Variants in CTNND2 observed in about 807,000 individuals in gnomAD.
The protein encoded by CTNND2 is catenin delta 2.
Under a neutral mutation model 144.4 loss-of-function variants are expected in CTNND2, and 22 were observed. That is an observed-to-expected ratio of 0.15 (90% confidence interval 0.11 to 0.22). The LOEUF (loss-of-function observed/expected upper bound fraction) is 0.22. Among genes scored for constraint, CTNND2 ranks in the 10% least tolerant of loss-of-function variants. The probability of loss-of-function intolerance (pLI) is 1.00; values close to 1 mark genes in which losing one functional copy is unlikely to be tolerated. For missense variants in CTNND2, 1,353 were observed against 1,618.8 expected (o/e 0.84, Z 2.82); for synonymous variants, 751 against 695.6 (o/e 1.08, Z -1.25).
At chr5:11,582,343 T>C (rs1778501638) in intron 2 of CTNND2, among the ~76,000 whole-genome samples, 1 of 152,116 alleles carries the variant, frequency 6.6e-6, no homozygotes, top group Non-Finnish European at 1.5e-5. Flanking sequence ...CACATCAGAG[T>C]GGGACCTGAT....
chr5:11,167,209 G>C (rs1478942596), intron 11 of CTNND2, among the ~76,000 whole-genome samples: 2 of 152,176 alleles, frequency 1.3e-5, no homozygotes, highest in African/African-American at 2.4e-5. Context: ...GAGGTGAAGA[G>C]AGAGAATTGG....
chr5:11,361,890 GC>G (rs1321723268), intron 8 of CTNND2, among the ~76,000 whole-genome samples: 1 of 152,188 alleles, frequency 6.6e-6, no homozygotes, highest in African/African-American at 2.4e-5. Flanking sequence ...CGATCTTTCT[GC>G]CCCACTTCTC....
intron 11 of CTNND2, among the ~76,000 whole-genome samples, chr5:11,173,824 G>T: frequency 6.6e-6 from 1 of 152,252 alleles, no homozygotes; most frequent in South Asian, 2.1e-4. Context: ...CATTCACAGC[G>T]ATGTGCAGCC....
intron 1 of CTNND2, among the ~76,000 whole-genome samples, chr5:11,752,336 T>A (rs1220924218): frequency 6.6e-6 from 1 of 151,374 alleles, no homozygotes; most frequent in Non-Finnish European, 1.5e-5. Context: ...AGTCTTAGGT[T>A]TTCCATTTGT....
At chr5:11,731,215 TG>T (rs1236512337) in intron 2 of CTNND2, among the ~76,000 whole-genome samples, 1 of 152,178 alleles carries the variant, frequency 6.6e-6, no homozygotes, top group African/African-American at 2.4e-5. Flanking sequence ...CTTCGGTCAG[TG>T]GGTTGACTGT....
At chr5:11,106,653 T>A (rs1752454545) in intron 14 of CTNND2, among the ~76,000 whole-genome samples, 1 of 152,190 alleles carries the variant, frequency 6.6e-6, no homozygotes, top group Non-Finnish European at 1.5e-5. Flanking sequence ...ATTTCACTGG[T>A]AAGAGACTCC....
intron 2 of CTNND2, among the ~76,000 whole-genome samples, chr5:11,601,562 A>G (rs1159271498): frequency 2.6e-5 from 4 of 152,092 alleles, no homozygotes; most frequent in Non-Finnish European, 4.4e-5. Context: ...GTAATTGTTA[A>G]TATTTAATTG....
intron 1 of CTNND2, among the ~76,000 whole-genome samples, chr5:11,822,146 A>G (rs1009340017): frequency 1.1e-4 from 16 of 152,204 alleles, no homozygotes; most frequent in African/African-American, 3.1e-4. Flanking sequence ...CATTTGAAAA[A>G]GAAGAACTTG....
At chr5:11,684,767 C>G (rs1366584079) in intron 2 of CTNND2, among the ~76,000 whole-genome samples, 1 of 152,174 alleles carries the variant, frequency 6.6e-6, no homozygotes. Context: ...GCTTGGTCAA[C>G]CACTTTGCTA....
chr5:11,237,672 G>C (rs61750727), intron 9 of CTNND2, among the ~76,000 whole-genome samples: 41 of 152,174 alleles, frequency 2.7e-4, no homozygotes, highest in African/African-American at 9.2e-4. Flanking sequence ...GTCTTAAATG[G>C]ATCAGGTATA....
chr5:11,505,572 C>G (rs1218156062), intron 3 of CTNND2, among the ~76,000 whole-genome samples: 1 of 152,156 alleles, frequency 6.6e-6, no homozygotes, highest in Non-Finnish European at 1.5e-5. Flanking sequence ...CTCCTACTGT[C>G]AGGTTGTAGA....
intron 7 of CTNND2, among the ~76,000 whole-genome samples, chr5:11,376,566 A>T (rs1327545330): frequency 6.6e-6 from 1 of 152,056 alleles, no homozygotes; most frequent in Non-Finnish European, 1.5e-5. Context: ...TCTGGAGGGG[A>T]AGGCAGGGCA....
At chr5:11,262,500 C>T (rs903987447) in intron 9 of CTNND2, among the ~76,000 whole-genome samples, 1 of 152,044 alleles carries the variant, frequency 6.6e-6, no homozygotes, top group Non-Finnish European at 1.5e-5. Context: ...CAGTGGCTCA[C>T]GCCTGTAATT....
chr5:11,832,087 T>A (rs529795358), intron 1 of CTNND2, among the ~76,000 whole-genome samples: 1 of 151,872 alleles, frequency 6.6e-6, no homozygotes, highest in East Asian at 1.9e-4. Flanking sequence ...ATCGAGACCA[T>A]CCTGGCTAAC....
At chr5:11,514,414 G>A (rs1771966719) in intron 3 of CTNND2, among the ~76,000 whole-genome samples, 1 of 152,004 alleles carries the variant, frequency 6.6e-6, no homozygotes, top group Non-Finnish European at 1.5e-5. Context: ...CCTGACAGCT[G>A]GCTGTATTCA....
chr5:11,456,089 G>A (rs952512798), intron 3 of CTNND2, among the ~76,000 whole-genome samples: 2 of 152,176 alleles, frequency 1.3e-5, no homozygotes, highest in African/African-American at 4.8e-5. Context: ...GCATGCACAA[G>A]ACTGCACATT....
chr5:11,720,140 C>G (rs760211357), intron 2 of CTNND2, among the ~76,000 whole-genome samples: 1 of 152,124 alleles, frequency 6.6e-6, no homozygotes, highest in Non-Finnish European at 1.5e-5. Context: ...AAAGAGACAG[C>G]AGCAACTGGC....
intron 3 of CTNND2, among the ~76,000 whole-genome samples, chr5:11,412,408 T>C (rs61749764): frequency 3.3e-5 from 5 of 152,290 alleles, no homozygotes; most frequent in African/African-American, 1.2e-4. Flanking sequence ...TATTTTAGAA[T>C]AGGATCATGT....
chr5:11,412,022 A>G lies in CTNND2; in HGVS notation c.322+13T>C, dbSNP rs369570669. 13 of 1,603,866 alleles carry G rather than the reference A, an allele frequency of 8.1e-6. No individual in the cohort carries two copies. The African/African-American group carries it at 1.5e-4, about 18-fold the overall frequency. On this transcript the variant is annotated intron_variant, in intron 4 of 21. Transcript: ENST00000304623. ...TTAGAAGTGTAAGTGTTCATCAATA[A>G]GATAGACATTACCTTGTGACTGCCA...
Sources: allele counts gnomAD v4.1 joint callset (sites outside exome capture counted in the v4.1 genomes callset), GRCh38; gene constraint gnomAD v4.1.1; transcripts MANE v1.5; gene names NCBI Gene and HGNC (gene_info 2026-07-23, HGNC 2026-07-21).